Variants in CDK18 observed in about 807,000 individuals in gnomAD.
CDK18 encodes cyclin-dependent kinase 18.
CDK18 carries 52 observed loss-of-function variants against 62.0 expected under a neutral mutation model. The observed-to-expected ratio is 0.84, with a 90% CI of 0.67 to 1.06. The LOEUF is 1.06. Among genes scored for constraint, CDK18 ranks in the 50% least tolerant of loss-of-function variants. The pLI is 0.00. For missense variants in CDK18, 604 were observed against 619.9 expected, an observed-to-expected ratio of 0.97 and a Z score of 0.27; for synonymous variants, 237 against 247.0, an observed-to-expected ratio of 0.96 and a Z score of 0.38.
rs116741582 is a variant in CDK18, at chr1:205,522,818, G to C, written c.-21-329G>C. On this transcript the variant is annotated intron_variant, in intron 1 of 15. Coordinates refer to ENST00000429964, the MANE Select transcript of CDK18 (RefSeq NM_212502.3). ...GGGCTTAGGTCTGGGGGGCCTTCAG[G>C]ATCCTCTTTGCACATCATGCCTGCT... is the stretch of plus-strand genomic sequence containing the variant. 821 of 184,642 alleles carry C rather than the reference G, an allele frequency of 4.4e-3. 2 individuals are homozygous for C. Among genetic ancestry groups the C allele is most frequent in the Non-Finnish European group, 7.2e-3 (643 of 89,134 alleles). The allele number at this position is 184,642 out of a possible 1,614,324, so 11.4% of individuals were successfully genotyped here. A position where few individuals can be genotyped will look rare whatever the true frequency, so the allele number is the denominator to read the frequency against.
At chr1:205,518,417 C>T (rs1206132498) in intron 1 of CDK18, among the ~76,000 whole-genome samples, 1 of 152,152 alleles carries the variant, frequency 6.6e-6, no homozygotes, top group Non-Finnish European at 1.5e-5. Flanking sequence ...GGGGTTTTAT[C>T]ACGTCATTGC....
intron 1 of CDK18, among the ~76,000 whole-genome samples, chr1:205,513,090 C>T (rs894912022): frequency 2.6e-5 from 4 of 152,178 alleles, no homozygotes; most frequent in Admixed American, 6.5e-5. Context: ...AGTTTCTGTG[C>T]CAGAGCAAGT....
At position 205,524,235 on chromosome 1, in the gene CDK18, G is replaced by T. The variant is rs115616480; in HGVS notation, c.277G>T (p.Val93Phe). Reference protein sequence around the residue: ...QNQRRFSMEDVSKRLSLPMDI... With the variant: ...QNQRRFSMEDFSKRLSLPMDI... ...CATCTCATCCCTGTCACCACAGGAC[G>T]TCAGCAAGAGGCTCTCTCTGCCCAT... Residue 93 changes from valine (V) to phenylalanine (F), a missense_variant, in exon 4 of 16, where the codon GTC becomes TTC. Coordinates refer to ENST00000429964, the MANE Select transcript of CDK18 (RefSeq NM_212502.3). 2 of 1,614,172 alleles carry T rather than the reference G, an allele frequency of 1.2e-6. No individual in the cohort carries two copies. The highest frequency in any genetic ancestry group is 1.7e-5 in the Admixed American group (1 of 60,028).
intron 6 of CDK18, 67 bp downstream of exon 6, chr1:205,526,246 C>T (rs1487353539): frequency 1.1e-5 from 16 of 1,509,486 alleles, no homozygotes; most frequent in Non-Finnish European, 1.5e-5. Context: ...AGCCTGCACC[C>T]TTGTGGGAGC....
chr1:205,530,543 G>T, intron 14 of CDK18, 85 bp from the exon 15 acceptor site: 1 of 1,307,456 alleles, frequency 7.6e-7, no homozygotes, highest in Non-Finnish European at 1.1e-6. Context: ...GCTGCCTCGA[G>T]GGCTCAGTTG....
chr1:205,512,761 G>A (rs1667627560), intron 1 of CDK18, among the ~76,000 whole-genome samples: 1 of 152,248 alleles, frequency 6.6e-6, no homozygotes, highest in African/African-American at 2.4e-5. Flanking sequence ...TTGTCAGAAT[G>A]TGGGCACTGG....
intron 1 of CDK18, among the ~76,000 whole-genome samples, chr1:205,507,047 T>C (rs1667341464): frequency 6.6e-6 from 1 of 152,206 alleles, no homozygotes; most frequent in Non-Finnish European, 1.5e-5. Context: ...TCCTACACTG[T>C]AGGGCAGAGC....
intron 1 of CDK18, among the ~76,000 whole-genome samples, chr1:205,512,479 T>C (rs1357330972): frequency 6.6e-6 from 1 of 152,162 alleles, no homozygotes; most frequent in African/African-American, 2.4e-5. Context: ...GTGACACTGA[T>C]AAAAGACATT....
In CDK18 at chr1:205,527,547, G is replaced by A. The variant is rs1668501352; in HGVS notation, c.730-247G>A. On this transcript the variant is annotated intron_variant, in intron 8 of 15. Coordinates refer to ENST00000429964, the MANE Select transcript of CDK18 (RefSeq NM_212502.3). The surrounding 1 kb of genome is among the most constrained non-coding windows in gnomAD (Gnocchi z 4.1). The stretch of plus-strand genomic sequence containing the variant: ...CACATAGGCGGGCATCCTGACCCCC[G>A]TGCTCCTGACTGAGACTTCGCTGGC... 6.5e-6 allele frequency: 3 copies of A among 464,354 alleles called. No homozygotes were observed. The highest frequency in any genetic ancestry group is 3.7e-5 in the East Asian group (1 of 27,010). 28.8% of individuals were successfully genotyped at this position (464,354 alleles called of 1,614,324 possible).
chr1:205,518,696 A>G (rs557114054), intron 1 of CDK18, among the ~76,000 whole-genome samples: 2 of 152,308 alleles, frequency 1.3e-5, no homozygotes, highest in South Asian at 2.1e-4. Context: ...AGGCTGTGTG[A>G]GCGTCTTCCC....
In CDK18 at chr1:205,525,170, A is replaced by T; in HGVS notation, c.431A>T (p.Tyr144Phe). The T allele has an allele frequency of 6.2e-7, 1 of 1,610,452 alleles. No individual in the cohort carries two copies. ...ATTGGCTTTGGGAAACTGGAAACATACGTGAAACTGGACAAACTGGGAGAG... is the reference window on the plus strand; with the variant it reads ...ATTGGCTTTGGGAAACTGGAAACATTCGTGAAACTGGACAAACTGGGAGAG... ...SDIGFGKLET[Y>F]VKLDKLGEGT... The change falls in exon 5 of 16, where the codon TAC (tyrosine) becomes TTC (phenylalanine). Residue 144 changes from tyrosine (Y) to phenylalanine (F), a missense_variant. Physicochemically the swap from Tyr to Phe is conservative, Grantham distance 22. Coordinates refer to ENST00000429964, the MANE Select transcript of CDK18 (RefSeq NM_212502.3).
intron 13 of CDK18, chr1:205,529,815 A>G (rs1264490755): frequency 7.1e-7 from 1 of 1,398,722 alleles, no homozygotes; most frequent in Non-Finnish European, 9.6e-7. Context: ...TCCATGCCTC[A>G]GTTTCCTCAG....
At chr1:205,509,732 G>C (rs962404667) in intron 1 of CDK18, among the ~76,000 whole-genome samples, 7 of 151,922 alleles carry the variant, frequency 4.6e-5, no homozygotes, top group Non-Finnish European at 7.4e-5. Flanking sequence ...CTGAAATCAG[G>C]GTCCCTGCAA....
Position 205,532,766 on chromosome 1 carries a change from A to G in CDK18, c.*1388A>G, listed in dbSNP as rs1668792352. On this transcript the variant is annotated 3_prime_UTR_variant, in exon 16 of 16. Coordinates refer to ENST00000429964, the MANE Select transcript of CDK18 (RefSeq NM_212502.3). ...CGTGTGACTCAGTGCAGAGACAGAT[A>G]ATATATTTAATTCATGTACAGAAAG... is the stretch of plus-strand genomic sequence containing the variant. The G allele has an allele frequency of 6.6e-6, 1 of 152,144 alleles. No individual in the cohort carries two copies. The highest frequency in any genetic ancestry group is 2.4e-5 in the African/African-American group (1 of 41,286). The allele number at this position is 152,144 out of a possible 1,614,324, so 9.4% of individuals were successfully genotyped here. A position where few individuals can be genotyped will look rare whatever the true frequency, so the allele number is the denominator to read the frequency against.
chr1:205,510,481 C>T (rs1361188160), intron 1 of CDK18, among the ~76,000 whole-genome samples: 4 of 152,336 alleles, frequency 2.6e-5, no homozygotes, highest in East Asian at 1.9e-4. Context: ...CTGATCCTGC[C>T]GTGGAGCCCA....
intron 1 of CDK18, among the ~76,000 whole-genome samples, chr1:205,508,643 G>A (rs535833042): frequency 6.6e-6 from 1 of 152,292 alleles, no homozygotes; most frequent in African/African-American, 2.4e-5. Context: ...CCAGGAGGTC[G>A]AAACCAGACT....
At chr1:205,519,925 C>A (rs1414848672) in intron 1 of CDK18, among the ~76,000 whole-genome samples, 1 of 152,210 alleles carries the variant, frequency 6.6e-6, no homozygotes. Flanking sequence ...CCATAAATCC[C>A]AGACTGCAGG....
chr1:205,530,744 G>A (rs1490526124), intron 15 of CDK18, 39 bp downstream of exon 15: 3 of 1,570,458 alleles, frequency 1.9e-6, no homozygotes, highest in Admixed American at 1.7e-5. Flanking sequence ...CCCCTTGTTA[G>A]TGGAAGCCAG....
chr1:205,530,567 A>G, intron 14 of CDK18, 61 bp from the exon 15 acceptor site: 2 of 1,483,002 alleles, frequency 1.3e-6, no homozygotes, highest in South Asian at 1.1e-5. Context: ...CTTCTGGGCC[A>G]GTCCTTACTG....
Sources: allele counts gnomAD v4.1 joint callset (sites outside exome capture counted in the v4.1 genomes callset), GRCh38; gene constraint gnomAD v4.1.1; non-coding constraint Gnocchi (gnomAD v3.1); transcripts MANE v1.5; gene names NCBI Gene and HGNC (gene_info 2026-07-23, HGNC 2026-07-21).